The following ADAMTSL1 variants were observed in gnomAD, a reference collection of about 807,000 sequenced individuals.
ADAMTSL1 encodes ADAMTS-like protein 1.
In ADAMTSL1, 126 loss-of-function variants were observed where a neutral mutation model predicts 201.8. The observed-to-expected ratio is 0.62, with a 90% CI of 0.54 to 0.72. The LOEUF is 0.72. ADAMTSL1 is among the 30% of genes least tolerant of loss of function. The pLI is 0.00. For missense variants in ADAMTSL1, 2,679 were observed against 2,277.8 expected (o/e 1.18, Z -3.59); for synonymous variants, 1,121 against 903.4 (o/e 1.24, Z -4.32).
intron 2 of ADAMTSL1, among the ~76,000 whole-genome samples, chr9:18,262,743 G>A (rs189477543): frequency 6.6e-4 from 101 of 152,270 alleles, no homozygotes; most frequent in African/African-American, 2.3e-3. Context: ...AAAGTTCATC[G>A]GGGTATGTGT....
rs554094609 is a variant in ADAMTSL1 at position 18,846,067 on chromosome 9, A to G, written c.4249+16090A>G. Among the ~76,000 whole-genome samples the G allele has an allele frequency of 1.4e-3, 211 of 152,346 alleles. 2 individuals are homozygous for G. The highest frequency in any genetic ancestry group is 2.1e-3 in the South Asian group (10 of 4,826). On this transcript the variant is annotated intron_variant, in intron 23 of 28. Coordinates refer to ENST00000380548, the MANE Select transcript of ADAMTSL1 (RefSeq NM_001040272.6). ...CCAAACAGTGTACTGTGAGCCAAGG[A>G]CACACAGTAAATAAGATAAATACAA...
At chr9:18,674,536 C>T (rs1179925424) in intron 9 of ADAMTSL1, among the ~76,000 whole-genome samples, 10 of 152,124 alleles carry the variant, frequency 6.6e-5, no homozygotes, top group South Asian at 2.1e-4. Context: ...TCCACACTCA[C>T]GGCTCACTGT....
intron 23 of ADAMTSL1, among the ~76,000 whole-genome samples, chr9:18,856,657 C>T (rs1284693655): frequency 6.6e-6 from 1 of 151,878 alleles, no homozygotes; most frequent in South Asian, 2.1e-4. Flanking sequence ...AGGGTTTCAT[C>T]GTGTTGGCCA....
chr9:18,341,996 C>T (rs543649763), intron 2 of ADAMTSL1, among the ~76,000 whole-genome samples: 12 of 152,120 alleles, frequency 7.9e-5, no homozygotes, highest in Admixed American at 4.6e-4. Context: ...CATATGATGC[C>T]GTATTCTGTC....
intron 21 of ADAMTSL1, among the ~76,000 whole-genome samples, chr9:18,823,049 G>C (rs1381635541): frequency 1.3e-5 from 2 of 152,180 alleles, no homozygotes; most frequent in Non-Finnish European, 2.9e-5. Flanking sequence ...AGTTATGGAA[G>C]GACTGGCTGT....
chr9:18,266,891 G>T (rs772983200), intron 2 of ADAMTSL1, among the ~76,000 whole-genome samples: 4 of 152,080 alleles, frequency 2.6e-5, no homozygotes, highest in Non-Finnish European at 5.9e-5. Flanking sequence ...CCAGGTCCAG[G>T]CTTCTTGCAA....
intron 4 of ADAMTSL1, among the ~76,000 whole-genome samples, chr9:18,579,328 C>G (rs1262508540): frequency 7.7e-6 from 1 of 129,290 alleles, no homozygotes; most frequent in Non-Finnish European, 1.6e-5. Flanking sequence ...GGGAATATCA[C>G]ACGCTGGGGA....
At chr9:18,878,999 G>A (rs1160516402) in intron 23 of ADAMTSL1, among the ~76,000 whole-genome samples, 1 of 152,174 alleles carries the variant, frequency 6.6e-6, no homozygotes, top group Non-Finnish European at 1.5e-5. Flanking sequence ...ACTGACAATG[G>A]AACCAGCTGC....
intron 2 of ADAMTSL1, among the ~76,000 whole-genome samples, chr9:18,166,632 A>G (rs1422127995): frequency 5.3e-5 from 8 of 151,916 alleles, no homozygotes; most frequent in African/African-American, 1.9e-4. Context: ...CAGCACATAG[A>G]GCATTTTGGA....
At chr9:18,753,700 A>C (rs537445367) in intron 16 of ADAMTSL1, among the ~76,000 whole-genome samples, 192 bp downstream of exon 16, 64 of 152,214 alleles carry the variant, frequency 4.2e-4, no homozygotes, top group African/African-American at 1.5e-3. Context: ...TGCTTTTTCT[A>C]CTGTATCACA....
chr9:18,525,454 C>G (rs1412056084), intron 2 of ADAMTSL1, among the ~76,000 whole-genome samples: 1 of 152,152 alleles, frequency 6.6e-6, no homozygotes. Flanking sequence ...CAATTCTGCT[C>G]TGATCTTAGT....
chr9:18,125,664 C>T (rs1293936096), intron 1 of ADAMTSL1, among the ~76,000 whole-genome samples: 1 of 152,170 alleles, frequency 6.6e-6, no homozygotes, highest in South Asian at 2.1e-4. Flanking sequence ...TCCCAACCGA[C>T]TTTGTTGAAG....
chr9:17,922,581 A>C (rs1051009051), intron 1 of ADAMTSL1, among the ~76,000 whole-genome samples: 16 of 152,052 alleles, frequency 1.1e-4, no homozygotes, highest in African/African-American at 3.6e-4. Context: ...ACACATTTTG[A>C]CCAAAAACCA....
intron 1 of ADAMTSL1, among the ~76,000 whole-genome samples, chr9:17,983,251 A>G (rs1237146425): frequency 1.3e-5 from 2 of 151,298 alleles, no homozygotes; most frequent in Non-Finnish European, 2.9e-5. Context: ...TTGTATTTTT[A>G]GTAGGGATGG....
chr9:18,440,373 A>G (rs544428745), intron 2 of ADAMTSL1, among the ~76,000 whole-genome samples: 15 of 152,232 alleles, frequency 9.9e-5, no homozygotes, highest in African/African-American at 3.4e-4. Context: ...TTAGGTTTCT[A>G]TAAATACTAC....
intron 1 of ADAMTSL1, among the ~76,000 whole-genome samples, chr9:18,004,492 C>A (rs1000129530): frequency 6.6e-6 from 1 of 152,014 alleles, no homozygotes; most frequent in Non-Finnish European, 1.5e-5. Context: ...CGGGGACCTG[C>A]CACATGCCAA....
chr9:18,200,428 T>G (rs1407564143), intron 2 of ADAMTSL1, among the ~76,000 whole-genome samples: 1 of 152,128 alleles, frequency 6.6e-6, no homozygotes, highest in Non-Finnish European at 1.5e-5. Flanking sequence ...TTATGCTTGA[T>G]TTTGAAGAGA....
chr9:18,775,959 C>T (rs1481657393), intron 18 of ADAMTSL1, 63 bp downstream of exon 18: 13 of 1,541,748 alleles, frequency 8.4e-6, no homozygotes, highest in East Asian at 4.9e-5. Flanking sequence ...CTATAGCCAC[C>T]ACGCCGTGGC....
At chr9:18,404,127 T>C (rs1818092257) in intron 2 of ADAMTSL1, among the ~76,000 whole-genome samples, 1 of 152,228 alleles carries the variant, frequency 6.6e-6, no homozygotes, top group Admixed American at 6.5e-5. Context: ...CTCTCACAAA[T>C]AGAATTCTAT....
Sources: allele counts gnomAD v4.1 joint callset (sites outside exome capture counted in the v4.1 genomes callset), GRCh38; gene constraint gnomAD v4.1.1; transcripts MANE v1.5; gene names NCBI Gene and HGNC (gene_info 2026-07-23, HGNC 2026-07-21).